The following KSR2 variants were observed in gnomAD, a reference collection of about 807,000 sequenced individuals.
KSR2 encodes kinase suppressor of ras 2.
KSR2 carries 25 observed loss-of-function variants against 107.8 expected under a neutral mutation model. The observed-to-expected ratio is 0.23, with a 90% CI of 0.17 to 0.32. The LOEUF is 0.32. KSR2 is among the 10% of genes least tolerant of loss of function. The pLI, the probability that KSR2 is intolerant of heterozygous loss-of-function variation, is 1.00. For synonymous variants in KSR2, 480 were observed against 507.0 expected (o/e 0.95, Z 0.71); for missense variants, 887 against 1,268.9 (o/e 0.70, Z 4.57).
chr12:117,467,833 A>AT (rs200231076), intron 19 of KSR2: 116 of 448,398 alleles, frequency 2.6e-4, no homozygotes, highest in African/African-American at 1.6e-3. Context: ...AGGCTGAATA[A>AT]AAAAAAAAAA....
At chr12:117,752,705 A>C (rs1487182710) in intron 4 of KSR2, among the ~76,000 whole-genome samples, 1 of 152,232 alleles carries the variant, frequency 6.6e-6, no homozygotes, top group Non-Finnish European at 1.5e-5. Flanking sequence ...CACCTTTAAC[A>C]AGGATTTGAA....
At chr12:117,483,172 A>C (rs1317544019) in intron 16 of KSR2, among the ~76,000 whole-genome samples, 2 of 152,156 alleles carry the variant, frequency 1.3e-5, no homozygotes, top group African/African-American at 2.4e-5. Flanking sequence ...ACTACAAATA[A>C]TTTTGTAGAC....
At chr12:117,702,171 T>G (rs1886355081) in intron 4 of KSR2, among the ~76,000 whole-genome samples, 1 of 152,186 alleles carries the variant, frequency 6.6e-6, no homozygotes, top group Non-Finnish European at 1.5e-5. Context: ...CAGACAGCAG[T>G]TCTATCCTCC....
chr12:117,782,201 C>G (rs770405556), intron 3 of KSR2, among the ~76,000 whole-genome samples: 1 of 152,202 alleles, frequency 6.6e-6, no homozygotes, highest in Non-Finnish European at 1.5e-5. Flanking sequence ...AACTCCCCTC[C>G]TGTATCTAGA....
chr12:117,486,268 GTTCAT>G (rs1872456753), intron 14 of KSR2, among the ~76,000 whole-genome samples: 1 of 152,200 alleles, frequency 6.6e-6, no homozygotes, highest in Admixed American at 6.5e-5. Flanking sequence ...GCCTCATTGA[GTTCAT>G]TTCGAGGACC....
chr12:117,580,963 C>A (rs1436037908), intron 6 of KSR2, among the ~76,000 whole-genome samples: 4 of 151,892 alleles, frequency 2.6e-5, no homozygotes, highest in African/African-American at 7.3e-5. Flanking sequence ...GATCAAGGGG[C>A]GTGGCCAAAC....
chr12:117,568,439 A>C (rs1165322880), intron 7 of KSR2, among the ~76,000 whole-genome samples: 1 of 152,160 alleles, frequency 6.6e-6, no homozygotes, highest in Non-Finnish European at 1.5e-5. Context: ...TGTAGCATTT[A>C]TTGCCGGCCT....
intron 1 of KSR2, among the ~76,000 whole-genome samples, chr12:117,892,787 CAAAAAAA>C (rs35897528): frequency 0.017 from 1,460 of 87,136 alleles, 31 homozygotes; most frequent in African/African-American, 0.046. Context: ...GTGCTATGTG[CAAAAAAA>C]AAAAAAAAAA....
At chr12:117,646,452 C>T (rs1883646561) in intron 5 of KSR2, among the ~76,000 whole-genome samples, 1 of 152,172 alleles carries the variant, frequency 6.6e-6, no homozygotes, top group Non-Finnish European at 1.5e-5. Flanking sequence ...GGTGAGGCGG[C>T]AGCCCAAGGT....
chr12:117,761,002 C>T lies in KSR2; in HGVS notation c.986+9G>A, dbSNP rs1439236088. ...CGACCGCCCCAGGGCACCCACCGAT[C>T]GCACTCACTTGGGCGTGTGGGCCTC... On this transcript the variant is annotated intron_variant, in intron 4 of 19. Transcript: ENST00000339824. 5.0e-6 allele frequency: 8 copies of T among 1,613,024 alleles called. No individual in the cohort carries two copies. The highest frequency in any genetic ancestry group is 5.9e-6 in the Non-Finnish European group (7 of 1,179,616).
At chr12:117,588,706 AAGTAC>A (rs779955820) in intron 5 of KSR2, among the ~76,000 whole-genome samples, 16 of 152,348 alleles carry the variant, frequency 1.1e-4, no homozygotes, top group Admixed American at 2.0e-4. Context: ...GTAGGGAAGA[AAGTAC>A]ACATTATAAC....
chr12:117,556,446 A>G (rs1036416713), intron 8 of KSR2, among the ~76,000 whole-genome samples: 1 of 152,128 alleles, frequency 6.6e-6, no homozygotes, highest in Non-Finnish European at 1.5e-5. Context: ...CAAGGAACAG[A>G]TGGTTCTCAA....
chr12:117,473,453 A>C (rs1565863025), intron 17 of KSR2, among the ~76,000 whole-genome samples: 1 of 152,176 alleles, frequency 6.6e-6, no homozygotes, highest in East Asian at 1.9e-4. Context: ...TAGTCCATCT[A>C]ACTCCAAGAT....
intron 10 of KSR2, among the ~76,000 whole-genome samples, chr12:117,537,470 C>T (rs187985893): frequency 6.6e-6 from 1 of 152,224 alleles, no homozygotes; most frequent in Admixed American, 6.5e-5. Context: ...AAACTGTCAC[C>T]CTGCTAAGCT....
At chr12:117,517,435 TA>T (rs1377355710) in intron 14 of KSR2, among the ~76,000 whole-genome samples, 41 of 152,354 alleles carry the variant, frequency 2.7e-4, no homozygotes, top group Non-Finnish European at 4.3e-4. Flanking sequence ...ACTTGTGTAA[TA>T]AGATACACAG....
intron 4 of KSR2, among the ~76,000 whole-genome samples, chr12:117,669,363 C>T (rs1004240027): frequency 1.3e-5 from 2 of 152,036 alleles, no homozygotes; most frequent in Non-Finnish European, 2.9e-5. Flanking sequence ...ATAACTACGC[C>T]CTCAAGAATG....
intron 19 of KSR2, chr12:117,467,676 G>C (rs927509293): frequency 2.9e-5 from 10 of 341,948 alleles, no homozygotes; most frequent in Non-Finnish European, 4.5e-5. Flanking sequence ...GCAGGAAGAG[G>C]GGGTGGGACT....
chr12:117,793,666 ACAACATGCACACAC>A (rs912685188), intron 3 of KSR2, among the ~76,000 whole-genome samples: 8 of 146,906 alleles, frequency 5.4e-5, no homozygotes, highest in East Asian at 2.1e-4. Flanking sequence ...ATGCACACAT[ACAACATGCACACAC>A]CAACATGCAC....
At chr12:117,770,662 A>G (rs1162945124) in intron 3 of KSR2, among the ~76,000 whole-genome samples, 1 of 151,922 alleles carries the variant, frequency 6.6e-6, no homozygotes, top group Non-Finnish European at 1.5e-5. Flanking sequence ...CCTGCCCTGT[A>G]AAGTAGATGT....
Sources: gnomAD v4.1 joint callset for allele counts (sites outside exome capture counted in the v4.1 genomes callset) on GRCh38, gnomAD v4.1.1 for gene constraint, MANE v1.5 for transcripts, NCBI Gene and HGNC (gene_info 2026-07-23, HGNC 2026-07-21) for gene names.